The following SERINC5 variants were observed in gnomAD, a reference collection of about 807,000 sequenced individuals.
The protein encoded by SERINC5 is serine incorporator 5.
Under a neutral mutation model 63.1 loss-of-function variants are expected in SERINC5, and 41 were observed. That is an observed-to-expected ratio of 0.65 (90% CI 0.51 to 0.84). SERINC5 has a LOEUF of 0.84. SERINC5 is among the 40% of genes least tolerant of loss of function. The pLI is 0.00. For synonymous variants in SERINC5, 222 were observed against 215.2 expected, an observed-to-expected ratio of 1.03 and a Z score of -0.28; for missense variants, 523 against 573.0, an observed-to-expected ratio of 0.91 and a Z score of 0.89.
chr5:80,204,985 C>T (rs1267429427), intron 1 of SERINC5, among the ~76,000 whole-genome samples: 1 of 152,212 alleles, frequency 6.6e-6, no homozygotes, highest in Non-Finnish European at 1.5e-5. Context: ...GGCACATACA[C>T]GGTGGGCTCC....
At chr5:80,156,669 A>AC (rs1746538135) in intron 8 of SERINC5, among the ~76,000 whole-genome samples, 1 of 150,224 alleles carries the variant, frequency 6.7e-6, no homozygotes, top group African/African-American at 2.4e-5. Context: ...ATTTAGACAG[A>AC]TTTTTTTTTT....
At chr5:80,151,370 G>A (rs1347838381) in intron 8 of SERINC5, among the ~76,000 whole-genome samples, 5 of 152,206 alleles carry the variant, frequency 3.3e-5, no homozygotes, top group African/African-American at 9.6e-5. Flanking sequence ...AGCAAAAGTC[G>A]CAGTTATTTA....
intron 6 of SERINC5, chr5:80,167,281 T>C (rs1747363018): frequency 6.6e-6 from 1 of 152,258 alleles, no homozygotes; most frequent in Admixed American, 6.5e-5. Flanking sequence ...CCCCTCTATG[T>C]GTCCACATGT....
intron 11 of SERINC5, among the ~76,000 whole-genome samples, chr5:80,127,487 G>A (rs749475962): frequency 1.1e-4 from 16 of 152,140 alleles, no homozygotes; most frequent in Non-Finnish European, 2.4e-4. Flanking sequence ...AGCCACTGAG[G>A]GTTTTGGAGT....
At chr5:80,159,673 T>C (rs1746764950) in intron 7 of SERINC5, among the ~76,000 whole-genome samples, 1 of 152,076 alleles carries the variant, frequency 6.6e-6, no homozygotes, top group Non-Finnish European at 1.5e-5. Flanking sequence ...CTCTCCAAAC[T>C]CCAGGAATGG....
intron 8 of SERINC5, among the ~76,000 whole-genome samples, chr5:80,154,050 G>C (rs1295129212): frequency 6.6e-6 from 1 of 152,166 alleles, no homozygotes; most frequent in Admixed American, 6.6e-5. Context: ...GCCCTTGACA[G>C]ATCCCGTGAC....
chr5:80,252,323 G>A (rs983650382), intron 1 of SERINC5, among the ~76,000 whole-genome samples: 8 of 152,024 alleles, frequency 5.3e-5, no homozygotes, highest in African/African-American at 1.9e-4. Context: ...GCCTCCCAAA[G>A]TGCTGGGATT....
chr5:80,187,811 C>T (rs1748912528), intron 2 of SERINC5, among the ~76,000 whole-genome samples: 1 of 152,154 alleles, frequency 6.6e-6, no homozygotes, highest in African/African-American at 2.4e-5. Flanking sequence ...CAGAATCAAA[C>T]AGTCACAGAT....
chr5:80,126,861 T>C (rs923574494), intron 11 of SERINC5, among the ~76,000 whole-genome samples: 3 of 152,178 alleles, frequency 2.0e-5, no homozygotes, highest in Non-Finnish European at 4.4e-5. Flanking sequence ...CCCAAAGTGA[T>C]AGGATTACAG....
intron 4 of SERINC5, 117 bp downstream of exon 4, chr5:80,177,198 A>C (rs1225198623): frequency 2.8e-6 from 2 of 702,152 alleles, no homozygotes; most frequent in Non-Finnish European, 4.9e-6. Flanking sequence ...TTTCTTTTGA[A>C]GCCAAAAGAA....
At chr5:80,166,744 C>T (rs942542022) in intron 6 of SERINC5, 4 of 303,612 alleles carry the variant, frequency 1.3e-5, no homozygotes, top group Non-Finnish European at 1.9e-5. Flanking sequence ...AAGCCTATGG[C>T]TACACTTAAA....
At position 80,203,001 on chromosome 5, in the gene SERINC5, G is replaced by A; in HGVS notation, c.80C>T (p.Pro27Leu). 6.2e-7 allele frequency: 1 copy of A among 1,613,232 alleles called. No homozygotes were observed. The highest frequency in any genetic ancestry group is 8.5e-7 in the Non-Finnish European group (1 of 1,179,564). ...GGTGCTGAGGGACTGCCGAATCCTGGGGCAGCAATCACAGCAGAGAGAGCA... is the reference window on the plus strand; with the variant it reads ...GGTGCTGAGGGACTGCCGAATCCTGAGGCAGCAATCACAGCAGAGAGAGCA... Reference protein sequence around the residue: ...AGCSLCCDCCPRIRQSLSTRF... With the variant: ...AGCSLCCDCCLRIRQSLSTRF... Residue 27 changes from proline (P) to leucine (L), a missense_variant, in exon 2 of 12, where the codon CCC becomes CTC. Transcript: ENST00000507668.
chr5:80,244,767 A>C (rs1752098774), intron 1 of SERINC5, among the ~76,000 whole-genome samples: 1 of 152,144 alleles, frequency 6.6e-6, no homozygotes, highest in Non-Finnish European at 1.5e-5. Flanking sequence ...GGTTGCAGTG[A>C]GCTGAGATCG....
rs940424066 is a variant in SERINC5 at position 80,179,876 on chromosome 5, A to G, written c.196-1812T>C. ...AATCATACTTTCAAAGGCTGTACCAATTTACATCCTACCAGTAATATCTGA... is the reference window on the plus strand; with the variant it reads ...AATCATACTTTCAAAGGCTGTACCAGTTTACATCCTACCAGTAATATCTGA... On this transcript the variant is annotated intron_variant, in intron 2 of 11. Coordinates refer to ENST00000507668, the MANE Select transcript of SERINC5 (RefSeq NM_001174072.3). Among the ~76,000 whole-genome samples, 3 of 152,322 alleles carry G rather than the reference A, an allele frequency of 2.0e-5. No individual in the cohort carries two copies. In the East Asian group the frequency reaches 5.8e-4, roughly 29 times the overall value.
chr5:80,196,510 C>T (rs2112473602), intron 2 of SERINC5, among the ~76,000 whole-genome samples: 1 of 152,200 alleles, frequency 6.6e-6, no homozygotes, highest in Non-Finnish European at 1.5e-5. Flanking sequence ...CTACACAATC[C>T]AGCAATTCTG....
chr5:80,137,231 A>G (rs866556188), downstream of SERINC5, among the ~76,000 whole-genome samples: 9 of 152,012 alleles, frequency 5.9e-5, no homozygotes, highest in Middle Eastern at 3.4e-3. Context: ...TAATGGGTAT[A>G]TACCCAAAGG....
intron 6 of SERINC5, chr5:80,166,809 C>A: frequency 4.8e-6 from 1 of 209,442 alleles, no homozygotes; most frequent in Non-Finnish European, 9.8e-6. Context: ...ATCACAAGAT[C>A]AGAAAAAAAA....
chr5:80,165,963 A>G (rs1747268103), intron 7 of SERINC5, among the ~76,000 whole-genome samples: 1 of 152,116 alleles, frequency 6.6e-6, no homozygotes, highest in South Asian at 2.1e-4. Context: ...TTATTTTTTA[A>G]CTTAATTTTT....
rs550926822 is a variant in SERINC5 at position 80,112,919 on chromosome 5, G to C, written c.*29+653C>G. Among the ~76,000 whole-genome samples the C allele has an allele frequency of 2.0e-5, 3 of 152,218 alleles. No homozygotes were observed. The South Asian group carries it at 6.2e-4, about 32-fold the overall frequency. On this transcript the variant is annotated intron_variant, in intron 12 of 12. Coordinates refer to the SERINC5 transcript ENST00000509193. ...TTCAAGGCTGCAGTGAGCTGTGATC[G>C]CACCACTGCACTCCAGCCTGGACAA...
Sources: gnomAD v4.1 joint callset for allele counts (sites outside exome capture counted in the v4.1 genomes callset) on GRCh38, gnomAD v4.1.1 for gene constraint, MANE v1.5 for transcripts, NCBI Gene and HGNC (gene_info 2026-07-23, HGNC 2026-07-21) for gene names.